The following DISC1 variants were observed in gnomAD, a reference collection of about 807,000 sequenced individuals.
The protein encoded by DISC1 is disrupted in schizophrenia 1 protein.
In DISC1, 57 loss-of-function variants were observed where a neutral mutation model predicts 84.5. The ratio of observed to expected loss-of-function variants is 0.67; its 90% confidence interval spans 0.55 to 0.84. The LOEUF is 0.84. Among genes scored for constraint, DISC1 ranks in the 40% least tolerant of loss-of-function variants. The pLI is 0.00. For synonymous variants in DISC1, 411 were observed against 415.2 expected (o/e 0.99, Z 0.12); for missense variants, 1,000 against 1,057.8 (o/e 0.95, Z 0.76).
Position 231,693,886 on chromosome 1 carries a change from C to G in DISC1, c.128C>G (p.Pro43Arg). Residue 43 changes from proline (P) to arginine (R), a missense_variant, in exon 2 of 13, where the codon CCG becomes CGG. Transcript: ENST00000439617. ...CGGAGGCGGCGGCTGGCACGGAGGC[C>G]GGGCTACATGAGAAGCTCGACAGGG... ...CFRRRRLARR[P>R]GYMRSSTGPG... 2.5e-6 allele frequency: 4 copies of G among 1,614,152 alleles called. No homozygotes were observed. The highest frequency in any genetic ancestry group is 3.4e-6 in the Non-Finnish European group (4 of 1,180,030).
At chr1:231,638,087 TC>T (rs1206083384) in intron 1 of DISC1, among the ~76,000 whole-genome samples, 8 of 152,346 alleles carry the variant, frequency 5.3e-5, no homozygotes, top group African/African-American at 1.9e-4. Context: ...AATTTGCATT[TC>T]TTTGATTAGT....
chr1:232,016,797 A>G (rs138857144), intron 11 of DISC1, among the ~76,000 whole-genome samples: 34 of 152,360 alleles, frequency 2.2e-4, no homozygotes, highest in African/African-American at 8.2e-4. Context: ...AGAGATCTAA[A>G]TATTTCAGAT....
chr1:231,639,016 G>A (rs976992309), intron 1 of DISC1, among the ~76,000 whole-genome samples: 3 of 152,092 alleles, frequency 2.0e-5, no homozygotes, highest in Non-Finnish European at 4.4e-5. Context: ...TACTGAATTG[G>A]GTTGCTTTAA....
intron 9 of DISC1, among the ~76,000 whole-genome samples, chr1:231,934,914 C>T (rs1286233169): frequency 1.3e-5 from 2 of 152,096 alleles, no homozygotes; most frequent in African/African-American, 2.4e-5. Context: ...TGGTGAAAAC[C>T]GAAGAAAGGG....
At chr1:231,729,321 T>C (rs1053572968) in intron 3 of DISC1, among the ~76,000 whole-genome samples, 2 of 152,232 alleles carry the variant, frequency 1.3e-5, no homozygotes, top group Non-Finnish European at 2.9e-5. Flanking sequence ...TATGTCTTTA[T>C]AGCAGCATGT....
intron 10 of DISC1, among the ~76,000 whole-genome samples, chr1:231,981,722 A>G (rs753930001): frequency 3.3e-5 from 5 of 152,162 alleles, no homozygotes; most frequent in Non-Finnish European, 5.9e-5. Context: ...CCCTATCCAG[A>G]ATAGTAGGAG....
At chr1:232,028,933 A>C (rs1163660098) in intron 12 of DISC1, among the ~76,000 whole-genome samples, 1 of 152,204 alleles carries the variant, frequency 6.6e-6, no homozygotes, top group African/African-American at 2.4e-5. Context: ...AGTCGAAAAA[A>C]ACAAGGCTTG....
intron 1 of DISC1, among the ~76,000 whole-genome samples, chr1:231,645,636 A>G (rs374626412): frequency 2.0e-5 from 3 of 152,158 alleles, no homozygotes; most frequent in African/African-American, 4.8e-5. Flanking sequence ...TGTCATTTAC[A>G]TTAGGTATTT....
intron 9 of DISC1, among the ~76,000 whole-genome samples, chr1:231,877,444 C>T (rs186119614): frequency 8.3e-4 from 126 of 152,308 alleles, no homozygotes; most frequent in Middle Eastern, 3.4e-3. Context: ...AAGATACACG[C>T]ATTCAGAATT....
At chr1:231,855,787 G>A (rs752796331) in intron 9 of DISC1, among the ~76,000 whole-genome samples, 1 of 151,972 alleles carries the variant, frequency 6.6e-6, no homozygotes, top group Non-Finnish European at 1.5e-5. Context: ...CTCTATTTTG[G>A]GACTTGATTC....
intron 8 of DISC1, among the ~76,000 whole-genome samples, chr1:231,804,097 C>G (rs983957960): frequency 6.6e-6 from 1 of 152,022 alleles, no homozygotes; most frequent in African/African-American, 2.4e-5. Flanking sequence ...CAGGTTTTAC[C>G]CCAAAGGAGG....
At chr1:231,761,033 A>G (rs1017694280) in intron 4 of DISC1, among the ~76,000 whole-genome samples, 7 of 152,192 alleles carry the variant, frequency 4.6e-5, no homozygotes, top group African/African-American at 1.7e-4. Context: ...TGCAATTTGG[A>G]GCTAATTTTT....
chr1:231,674,827 A>G (rs1168126503), intron 1 of DISC1, among the ~76,000 whole-genome samples: 1 of 152,254 alleles, frequency 6.6e-6, no homozygotes, highest in East Asian at 1.9e-4. Context: ...AAAATTCCCC[A>G]GATAACCTTA....
intron 3 of DISC1, among the ~76,000 whole-genome samples, chr1:231,744,803 T>C (rs1027860162): frequency 6.6e-6 from 1 of 152,168 alleles, no homozygotes; most frequent in Non-Finnish European, 1.5e-5. Context: ...TCTATTCTTT[T>C]AGATAGACAG....
intron 3 of DISC1, among the ~76,000 whole-genome samples, chr1:231,728,708 G>A (rs2071086247): frequency 6.6e-6 from 1 of 152,130 alleles, no homozygotes; most frequent in Admixed American, 6.5e-5. Flanking sequence ...TCTGGAAAAT[G>A]TTCCCATTTA....
intron 10 of DISC1, among the ~76,000 whole-genome samples, chr1:231,986,451 C>T (rs1225565559): frequency 6.6e-6 from 1 of 152,278 alleles, no homozygotes; most frequent in Admixed American, 6.5e-5. Context: ...TTACTTCAAG[C>T]TACAGTAGTG....
chr1:231,966,417 G>A (rs959286308), intron 10 of DISC1, among the ~76,000 whole-genome samples: 2 of 152,130 alleles, frequency 1.3e-5, no homozygotes, highest in African/African-American at 4.8e-5. Context: ...CATATTATCT[G>A]TTATCTTTTT....
chr1:231,836,887 T>C (rs563052804), intron 9 of DISC1, among the ~76,000 whole-genome samples: 1 of 140,704 alleles, frequency 7.1e-6, no homozygotes, highest in South Asian at 2.2e-4. Flanking sequence ...CTGTCCTCCT[T>C]GGACCCATAT....
In DISC1 at chr1:231,899,187, C is replaced by T. The variant is rs199890277; in HGVS notation, c.1982-59641C>T. Among the ~76,000 whole-genome samples, 31 of 152,228 alleles carry T rather than the reference C, an allele frequency of 2.0e-4. No individual in the cohort carries two copies. In the South Asian group the frequency reaches 6.0e-3, roughly 30 times the overall value. ...AGGAAAAGGGTAGAATTCCACCTTCCGTTCCCTATTTGGAGCTCTGGGACA... is the reference window on the plus strand; with the variant it reads ...AGGAAAAGGGTAGAATTCCACCTTCTGTTCCCTATTTGGAGCTCTGGGACA... On this transcript the variant is annotated intron_variant, in intron 9 of 12. Transcript: ENST00000439617.
Sources: allele counts gnomAD v4.1 joint callset (sites outside exome capture counted in the v4.1 genomes callset), GRCh38; gene constraint gnomAD v4.1.1; transcripts MANE v1.5; gene names NCBI Gene and HGNC (gene_info 2026-07-23, HGNC 2026-07-21).